MCF2L2: variants seen among roughly 807,000 people sequenced by gnomAD.
MCF2L2 encodes the protein probable guanine nucleotide exchange factor MCF2L2.
Under a neutral mutation model 150.2 loss-of-function variants are expected in MCF2L2, and 102 were observed. The observed-to-expected ratio is 0.68, with a 90% CI of 0.58 to 0.80. The LOEUF is 0.80. MCF2L2 is among the 30% of genes least tolerant of loss of function. MCF2L2 has a pLI of 0.00. For synonymous variants in MCF2L2, 465 were observed against 491.3 expected (o/e 0.95, Z 0.71); for missense variants, 1,256 against 1,372.8 (o/e 0.91, Z 1.34).
chr3:183,232,001 C>G (rs1460693921), intron 15 of MCF2L2, among the ~76,000 whole-genome samples: 1 of 152,184 alleles, frequency 6.6e-6, no homozygotes, highest in Non-Finnish European at 1.5e-5. Flanking sequence ...TTAGGGGATG[C>G]TGTGGAAGGA....
intron 1 of MCF2L2, among the ~76,000 whole-genome samples, chr3:183,390,794 G>A (rs1034189209): frequency 6.6e-6 from 1 of 152,180 alleles, no homozygotes; most frequent in Admixed American, 6.5e-5. Context: ...CTACTTGGGA[G>A]GCTGAGGCAG....
At chr3:183,304,870 A>G (rs937630884) in intron 10 of MCF2L2, among the ~76,000 whole-genome samples, 2 of 152,132 alleles carry the variant, frequency 1.3e-5, no homozygotes, top group African/African-American at 4.8e-5. Flanking sequence ...TGCAGAATAG[A>G]TGTCGAATGA....
At chr3:183,317,876 C>T (rs1329471707) in intron 7 of MCF2L2, among the ~76,000 whole-genome samples, 192 bp downstream of exon 7, 2 of 152,182 alleles carry the variant, frequency 1.3e-5, no homozygotes, top group African/African-American at 4.8e-5. Flanking sequence ...ACTCACTCAC[C>T]ACCCAGTCTC....
intron 3 of MCF2L2, among the ~76,000 whole-genome samples, chr3:183,357,868 C>T (rs183492162): frequency 1.7e-3 from 254 of 150,762 alleles, no homozygotes; most frequent in African/African-American, 5.7e-3. Context: ...AAAAAAAGGC[C>T]GGCAGACACC....
At chr3:183,297,239 T>G (rs1012115826) in intron 11 of MCF2L2, 72 bp from the exon 12 acceptor site, 27 of 1,340,128 alleles carry the variant, frequency 2.0e-5, no homozygotes, top group Non-Finnish European at 2.8e-5. Context: ...CCTCAGCAGG[T>G]CTGAGCTTGT....
rs575103324 is a variant in MCF2L2 at position 183,181,480 on chromosome 3, G to C, written c.3017-1321C>G. Among the ~76,000 whole-genome samples, 2 of 152,160 alleles carry C rather than the reference G, an allele frequency of 1.3e-5. No individual in the cohort carries two copies. Among genetic ancestry groups the C allele is most frequent in the African/African-American group, 4.8e-5 (2 of 41,438 alleles). On this transcript the variant is annotated intron_variant, in intron 27 of 29. Coordinates refer to ENST00000328913, the MANE Select transcript of MCF2L2 (RefSeq NM_015078.4). This position sits in a 1 kb window ranked among gnomAD's most constrained non-coding sequence, Gnocchi z 4.3. ...TGGGAGGGGCAAGGGGTGGAGGGCAGAGGAGAAACTGCCTCAGGGATGTGC... is the reference window on the plus strand; with the variant it reads ...TGGGAGGGGCAAGGGGTGGAGGGCACAGGAGAAACTGCCTCAGGGATGTGC...
chr3:183,341,260 C>G (rs4859169), intron 4 of MCF2L2, among the ~76,000 whole-genome samples: 39,420 of 152,100 alleles, frequency 0.26, 7,371 homozygotes, highest in African/African-American at 0.53. Context: ...GGTTACTCCC[C>G]GGGCATTAAC....
intron 1 of MCF2L2, among the ~76,000 whole-genome samples, chr3:183,400,942 G>A (rs776385989): frequency 6.6e-6 from 1 of 152,042 alleles, no homozygotes; most frequent in African/African-American, 2.4e-5. Flanking sequence ...AAATCCAGAG[G>A]CTTAACGCTG....
chr3:183,239,372 G>A (rs1723901920), intron 15 of MCF2L2, among the ~76,000 whole-genome samples: 1 of 152,000 alleles, frequency 6.6e-6, no homozygotes, highest in South Asian at 2.1e-4. Flanking sequence ...TGAAAACAGA[G>A]CTTTGGATAT....
Position 183,270,343 on chromosome 3 carries a change from A to G in MCF2L2, c.1862+6529T>C, listed in dbSNP as rs747782074. On this transcript the variant is annotated intron_variant, in intron 15 of 29. Transcript: ENST00000328913. This position sits in a 1 kb window ranked among gnomAD's most constrained non-coding sequence, Gnocchi z 4.5. ...ATGCAGTTCAGTTGGGCAAATACCT[A>G]TTGTCCACATGCCAAATTTCTTATG... 37 of 1,614,022 alleles carry G rather than the reference A, an allele frequency of 2.3e-5. No individual in the cohort carries two copies. The highest frequency in any genetic ancestry group is 3.1e-5 in the Non-Finnish European group (36 of 1,179,986).
chr3:183,266,516 T>C (rs908664389), intron 15 of MCF2L2, among the ~76,000 whole-genome samples: 4 of 152,146 alleles, frequency 2.6e-5, no homozygotes, highest in African/African-American at 9.7e-5. Flanking sequence ...CTTCCAGATG[T>C]ATGGTGGAGG....
At chr3:183,361,053 G>GA (rs1256926543) in intron 3 of MCF2L2, among the ~76,000 whole-genome samples, 3 of 99,922 alleles carry the variant, frequency 3.0e-5, no homozygotes, top group African/African-American at 1.8e-4. Flanking sequence ...GGAAAGGAAA[G>GA]GAAAGACCAG....
At chr3:183,263,682 A>T (rs1457541923) in intron 15 of MCF2L2, among the ~76,000 whole-genome samples, 2 of 152,028 alleles carry the variant, frequency 1.3e-5, no homozygotes, top group Non-Finnish European at 2.9e-5. Flanking sequence ...GTCTTAGATT[A>T]TTACCCCCTG....
chr3:183,266,111 A>G (rs1215810409), intron 15 of MCF2L2: 1 of 152,260 alleles, frequency 6.6e-6, no homozygotes, highest in Non-Finnish European at 1.5e-5. Context: ...CAACAGCAGC[A>G]ATGCACCAAC....
intron 20 of MCF2L2, 138 bp from the exon 21 acceptor site, chr3:183,220,062 G>A (rs1723090369): frequency 1.5e-6 from 1 of 647,930 alleles, no homozygotes; most frequent in African/African-American, 1.8e-5. Context: ...GTGTAAGAGG[G>A]AAAGAATAAA....
chr3:183,186,546 T>C (rs1721701510), intron 27 of MCF2L2, among the ~76,000 whole-genome samples: 1 of 152,110 alleles, frequency 6.6e-6, no homozygotes, highest in Non-Finnish European at 1.5e-5. Flanking sequence ...GCCACAATGG[T>C]GAAACTGCCG....
chr3:183,351,671 T>A (rs1179774439), intron 3 of MCF2L2, among the ~76,000 whole-genome samples: 1 of 152,206 alleles, frequency 6.6e-6, no homozygotes, highest in Non-Finnish European at 1.5e-5. Context: ...GGACTGTCTA[T>A]GTTTGCTGAT....
intron 15 of MCF2L2, among the ~76,000 whole-genome samples, chr3:183,244,187 C>T (rs1724152014): frequency 6.8e-6 from 1 of 146,396 alleles, no homozygotes; most frequent in Non-Finnish European, 1.5e-5. Flanking sequence ...AGAACCATTC[C>T]CAGTACCAAA....
Position 183,295,298 on chromosome 3 carries a change from A to C in MCF2L2, c.1675+2T>G. 1 of 1,603,252 alleles carries C rather than the reference A, an allele frequency of 6.2e-7. No individual in the cohort carries two copies. The highest frequency in any genetic ancestry group is 8.5e-7 in the Non-Finnish European group (1 of 1,175,502). On this transcript the variant is annotated splice_donor_variant, in intron 13 of 29. Transcript: ENST00000328913. LOFTEE classifies it high-confidence loss of function. Reference sequence around the variant, plus strand: ...AAAGCTTCTTTTCCTCAAATAACCTACCCGAGGTGGAGGGCTGGCTGGTTT... The same window carrying C: ...AAAGCTTCTTTTCCTCAAATAACCTCCCCGAGGTGGAGGGCTGGCTGGTTT...
Sources: allele counts gnomAD v4.1 joint callset (sites outside exome capture counted in the v4.1 genomes callset), GRCh38; gene constraint gnomAD v4.1.1; non-coding constraint Gnocchi (gnomAD v3.1); transcripts MANE v1.5; gene names NCBI Gene and HGNC (gene_info 2026-07-23, HGNC 2026-07-21).